Variants in NBEAL2 observed in about 807,000 individuals in gnomAD.
NBEAL2 encodes the protein neurobeachin like 2.
A neutral mutation model predicts 299.8 loss-of-function variants in NBEAL2; 160 were observed. The observed-to-expected ratio is 0.53, with a 90% confidence interval of 0.47 to 0.61. NBEAL2 has a LOEUF of 0.61. Ranked by LOEUF, NBEAL2 falls within the 20% of genes least tolerant of loss-of-function variation. The probability of loss-of-function intolerance (pLI) is 0.00; values close to 1 mark genes in which losing one functional copy is unlikely to be tolerated. For synonymous variants in NBEAL2, 1,493 were observed against 1,542.3 expected (o/e 0.97, Z 0.75); for missense variants, 3,112 against 3,649.0 (o/e 0.85, Z 3.79).
chr3:46,992,580 C>A lies in NBEAL2; in HGVS notation c.1113+25C>A, dbSNP rs1311448647. 3.2e-6 allele frequency: 5 copies of A among 1,567,744 alleles called. No individual in the cohort carries two copies. The Middle Eastern group carries it at 5.0e-4, about 157-fold the overall frequency. On this transcript the variant is annotated intron_variant, in intron 10 of 53. Coordinates refer to ENST00000450053, the MANE Select transcript of NBEAL2 (RefSeq NM_015175.3). The stretch of plus-strand genomic sequence containing the variant: ...GGTACCATCCTGGGGCTGACCAGCT[C>A]AGACACCCCCTGGGACTCCCTCTTT...
In NBEAL2 at chr3:47,001,226, G is replaced by C; in HGVS notation, c.4484+47G>C. On this transcript the variant is annotated intron_variant, in intron 28 of 53. Coordinates refer to ENST00000450053, the MANE Select transcript of NBEAL2 (RefSeq NM_015175.3). The surrounding 1 kb of genome is among the most constrained non-coding windows in gnomAD (Gnocchi z 6.1). Reference sequence around the variant, plus strand: ...GGGAGGGGCTTCAGGAAGCCTCGGGGGAAGGAGAGAAGATAGTCAGGTAGA... The same window carrying C: ...GGGAGGGGCTTCAGGAAGCCTCGGGCGAAGGAGAGAAGATAGTCAGGTAGA... 6.2e-7 allele frequency: 1 copy of C among 1,601,320 alleles called. No individual in the cohort carries two copies. Among genetic ancestry groups the C allele is most frequent in the African/African-American group, 1.3e-5 (1 of 74,640 alleles).
chr3:46,999,826 C>T, intron 26 of NBEAL2, 63 bp from the exon 27 acceptor site: 1 of 1,598,544 alleles, frequency 6.3e-7, no homozygotes, highest in Non-Finnish European at 8.5e-7. Flanking sequence ...CTGCAAAGGC[C>T]CTGGATGAGG....
In NBEAL2 at chr3:46,995,413, G is replaced by A. The variant is rs1447714134; in HGVS notation, c.1678G>A (p.Ala560Thr). Reference protein sequence around the residue: ...AEAGKARHAGAVIRTLSGMAR... With the variant: ...AEAGKARHAGTVIRTLSGMAR... ...GGCTGGAAAGGCCCGACACGCAGGT[G>A]CTGTCATCCGCACATTATCAGGCAT... is the stretch of plus-strand genomic sequence containing the variant. The change falls in exon 13 of 54, where the codon GCT becomes ACT. Residue 560 changes from alanine (A) to threonine (T), a missense_variant. Transcript: ENST00000450053. 1.9e-6 allele frequency: 3 copies of A among 1,612,804 alleles called. No individual in the cohort carries two copies. In the African/African-American group the frequency reaches 4.0e-5, roughly 21 times the overall value.
Position 47,002,631 on chromosome 3 carries a change from TA to T in NBEAL2, c.5302-13del. 6.2e-7 allele frequency: 1 copy of T among 1,608,934 alleles called. No homozygotes were observed. Among genetic ancestry groups the T allele is most frequent in the African/African-American group, 1.3e-5 (1 of 75,022 alleles). On this transcript the variant is annotated splice_polypyrimidine_tract_variant and intron_variant, in intron 32 of 53. Coordinates refer to ENST00000450053, the MANE Select transcript of NBEAL2 (RefSeq NM_015175.3). The stretch of plus-strand genomic sequence containing the variant: ...GGCAGCAGCCAGGGGACTGACCTAT[TA>T]CCCCCACCCCAGGAGCTGGTGCTGG...
In NBEAL2 at chr3:47,003,856, G is replaced by T; in HGVS notation, c.5761G>T (p.Val1921Leu). 1.2e-6 allele frequency: 2 copies of T among 1,612,834 alleles called. No homozygotes were observed. The highest frequency in any genetic ancestry group is 1.7e-4 in the Middle Eastern group (1 of 6,054). ...ACTGGATGAGCAGCGTGAGAAGCTGGTGCTGTCGGCCGAGTGCCAGCTGGT... is the reference window on the plus strand; with the variant it reads ...ACTGGATGAGCAGCGTGAGAAGCTGTTGCTGTCGGCCGAGTGCCAGCTGGT... ...AELDEQREKLVLSAECQLVTV... is the reference protein window; with the variant it reads ...AELDEQREKLLLSAECQLVTV... Residue 1921 changes from valine (V) to leucine (L), a missense_variant, in exon 36 of 54, where the codon GTG (valine) becomes TTG (leucine). Coordinates refer to ENST00000450053, the MANE Select transcript of NBEAL2 (RefSeq NM_015175.3). This position sits in a 1 kb window ranked among gnomAD's most constrained non-coding sequence, Gnocchi z 7.0.
intron 26 of NBEAL2, 26 bp from the exon 27 acceptor site, chr3:46,999,863 C>T (rs746880656): frequency 8.8e-6 from 14 of 1,599,686 alleles, no homozygotes; most frequent in Non-Finnish European, 1.2e-5. Context: ...TGGATGCGTC[C>T]TCACTTGCTG....
Position 47,004,555 on chromosome 3 carries a change from G to A in NBEAL2, c.6259G>A (p.Gly2087Arg). 2 of 1,613,760 alleles carry A rather than the reference G, an allele frequency of 1.2e-6. No individual in the cohort carries two copies. Among genetic ancestry groups the A allele is most frequent in the Non-Finnish European group, 1.7e-6 (2 of 1,179,848 alleles). Residue 2087 changes from glycine (G) to arginine (R), a missense_variant, in exon 38 of 54, where the codon GGG becomes AGG. By Grantham distance (125) the Gly-to-Arg change is moderately radical. Coordinates refer to ENST00000450053, the MANE Select transcript of NBEAL2 (RefSeq NM_015175.3). This position sits in a 1 kb window ranked among gnomAD's most constrained non-coding sequence, Gnocchi z 5.0. The stretch of plus-strand genomic sequence containing the variant: ...CTTGATGCAACTCAACACCATTGCG[G>A]GGCGGACCTACAATGACCTGTCTCA... ...EYLMQLNTIA[G>R]RTYNDLSQYP... is the part of the protein sequence containing the mutation.
In NBEAL2 at chr3:47,001,599, G is replaced by T; in HGVS notation, c.4645-90G>T. On this transcript the variant is annotated intron_variant, in intron 29 of 53. Coordinates refer to ENST00000450053, the MANE Select transcript of NBEAL2 (RefSeq NM_015175.3). This position sits in a 1 kb window ranked among gnomAD's most constrained non-coding sequence, Gnocchi z 6.1. ...TTGCCTGTGTGCACAAACCCTACCTGGCCCCCAGCGCAAACTTTACTTTGC... is the reference window on the plus strand; with the variant it reads ...TTGCCTGTGTGCACAAACCCTACCTTGCCCCCAGCGCAAACTTTACTTTGC... 2 of 1,580,636 alleles carry T rather than the reference G, an allele frequency of 1.3e-6. No individual in the cohort carries two copies. The highest frequency in any genetic ancestry group is 1.7e-6 in the Non-Finnish European group (2 of 1,161,776).
chr3:46,987,527 T>A (rs2035749137), intron 1 of NBEAL2, among the ~76,000 whole-genome samples: 1 of 152,214 alleles, frequency 6.6e-6, no homozygotes, highest in African/African-American at 2.4e-5. Flanking sequence ...CTAGGATTTA[T>A]CAGCTGTGTT....
At position 46,994,012 on chromosome 3, in the gene NBEAL2, T is replaced by C. The variant is rs201119515; in HGVS notation, c.1189T>C (p.Ser397Pro). The C allele has an allele frequency of 5.6e-6, 9 of 1,609,878 alleles. No individual in the cohort carries two copies. Among genetic ancestry groups the C allele is most frequent in the Admixed American group, 3.4e-5 (2 of 59,634 alleles). Residue 397 changes from serine (S) to proline (P), a missense_variant, in exon 11 of 54, where the codon TCG becomes CCG. Around this residue, in one of 3 missense-constraint regions of NBEAL2, gnomAD observed 2,243 missense variants for 2,538.1 expected, o/e 0.88. Transcript: ENST00000450053. The part of the protein sequence containing the change: ...VLTCIMSDSP[S>P]AKEVFKERIG... ...GACCTGCATCATGAGTGACTCCCCC[T>C]CGGCCAAGGTGAGGCTGCTGCACTG...
chr3:46,991,696 T>C lies in NBEAL2; in HGVS notation c.925+8T>C. ...TCCGGGTCAGCATGCTCGGTGGGTA[T>C]GGGCTCCCAGGCTCTTGGGGAAGGG... is the stretch of plus-strand genomic sequence containing the variant. On this transcript the variant is annotated splice_region_variant and intron_variant, in intron 8 of 53. Coordinates refer to ENST00000450053, the MANE Select transcript of NBEAL2 (RefSeq NM_015175.3). The surrounding 1 kb of genome is among the most constrained non-coding windows in gnomAD (Gnocchi z 6.2). The C allele has an allele frequency of 6.3e-7, 1 of 1,592,506 alleles. No homozygotes were observed. The highest frequency in any genetic ancestry group is 8.5e-7 in the Non-Finnish European group (1 of 1,175,038).
In NBEAL2 at chr3:46,991,972, A is replaced by G. The variant is rs1160930065; in HGVS notation, c.1032+26A>G. 2 of 1,560,876 alleles carry G rather than the reference A, an allele frequency of 1.3e-6. No individual in the cohort carries two copies. The highest frequency in any genetic ancestry group is 2.3e-5 in the South Asian group (2 of 85,380). ...GTGGGTAGGGCCCAGCCTGGGGGTG[A>G]GGGTCTGGAAGCCAGAGGCTAGGGG... On this transcript the variant is annotated intron_variant, in intron 9 of 53. Transcript: ENST00000450053. The surrounding 1 kb of genome is among the most constrained non-coding windows in gnomAD (Gnocchi z 6.2).
In NBEAL2 at chr3:47,001,363, G is replaced by A. The variant is rs751210922; in HGVS notation, c.4569G>A (p.Ala1523=). 36 of 1,613,176 alleles carry A rather than the reference G, an allele frequency of 2.2e-5. No individual in the cohort carries two copies. The highest frequency in any genetic ancestry group is 9.3e-5 in the African/African-American group (7 of 74,936). Residue 1523 remains alanine, a synonymous_variant, in exon 29 of 54, where the codon GCG becomes GCA. Transcript: ENST00000450053. This position sits in a 1 kb window ranked among gnomAD's most constrained non-coding sequence, Gnocchi z 6.1. ...VGVLASLTQQ[A]LWLLRLLQDF... ...TCCTGGCCAGCCTCACCCAGCAAGC[G>A]CTTTGGCTGCTGCGTCTGCTGCAGG...
rs554449998 is a variant in NBEAL2 at position 47,005,519 on chromosome 3, G to A, written c.6591G>A (p.Ser2197=). ...ACTGCTCCGACCGGCAGTTCCACTC[G>A]GTGGCGGCAGCCTGGCAGGCACGCC... ...RFDCSDRQFH[S]VAAAWQARLE... Residue 2197 remains serine, a synonymous_variant, in exon 41 of 54, where the codon TCG becomes TCA. Transcript: ENST00000450053. The A allele has an allele frequency of 1.7e-5, 27 of 1,611,182 alleles. No individual in the cohort carries two copies. Among genetic ancestry groups the A allele is most frequent in the African/African-American group, 8.0e-5 (6 of 75,014 alleles).
rs370011168 is a variant in NBEAL2, at chr3:47,001,120, G to C, written c.4425G>C (p.Val1475=). The part of the protein sequence containing the change: ...AWRERGQVFS[V]LTQLGASATL... ...GGGAGCGTGGCCAGGTTTTCTCAGTGCTCACCCAGCTGGGGGCCTCAGCCA... is the reference window on the plus strand; with the variant it reads ...GGGAGCGTGGCCAGGTTTTCTCAGTCCTCACCCAGCTGGGGGCCTCAGCCA... Residue 1475 remains valine (V), a synonymous_variant, in exon 28 of 54, where the codon GTG becomes GTC. Coordinates refer to ENST00000450053, the MANE Select transcript of NBEAL2 (RefSeq NM_015175.3). This position sits in a 1 kb window ranked among gnomAD's most constrained non-coding sequence, Gnocchi z 6.1. 80 of 1,612,326 alleles carry C rather than the reference G, an allele frequency of 5.0e-5. No homozygotes were observed. The African/African-American group carries it at 6.9e-4, about 14-fold the overall frequency.
Position 46,989,586 on chromosome 3 carries a change from C to T in NBEAL2, c.549C>T (p.Phe183=). ...PAALPQEFSA[F]FQESLQNADH... Reference sequence around the variant, plus strand: ...CTTTGCCCCAGGAATTCAGCGCCTTCTTCCAAGGTCAGGCCCCGCCCCTGC... The same window carrying T: ...CTTTGCCCCAGGAATTCAGCGCCTTTTTCCAAGGTCAGGCCCCGCCCCTGC... Residue 183 remains phenylalanine (F), a synonymous_variant, in exon 6 of 54, where the codon TTC becomes TTT. Coordinates refer to ENST00000450053, the MANE Select transcript of NBEAL2 (RefSeq NM_015175.3). The surrounding 1 kb of genome is among the most constrained non-coding windows in gnomAD (Gnocchi z 5.5). The T allele has an allele frequency of 1.3e-6, 2 of 1,589,458 alleles. No individual in the cohort carries two copies. Among genetic ancestry groups the T allele is most frequent in the Non-Finnish European group, 1.7e-6 (2 of 1,167,724 alleles).
In NBEAL2 at chr3:46,996,437, TG is replaced by T. The variant is rs896470673; in HGVS notation, c.2320del (p.Ala774ProfsTer45). The T allele has an allele frequency of 6.2e-7, 1 of 1,608,498 alleles. No homozygotes were observed. Among genetic ancestry groups the T allele is most frequent in the African/African-American group, 1.3e-5 (1 of 74,836 alleles). On this transcript the variant is annotated frameshift_variant, in exon 16 of 54. Coordinates refer to ENST00000450053, the MANE Select transcript of NBEAL2 (RefSeq NM_015175.3). LOFTEE classifies it high-confidence loss of function. ...GGGCTTGGCTGGGGGTCCGGGCTGGTGGCCCCCCTGCAGGAGGGCAGCATCG... is the reference window on the plus strand; with the variant it reads ...GGGCTTGGCTGGGGGTCCGGGCTGGTGCCCCCCTGCAGGAGGGCAGCATCG... ...STGLGWGSGL[V>X]APLQEGSIDS... is the part of the protein sequence containing the mutation.
Position 46,986,597 on chromosome 3 carries a change from TTGAG to T in NBEAL2, c.52-2068_52-2065del, listed in dbSNP as rs1479860562. ...TGCAGCTGGCAGGAAGACTCACATT[TTGAG>T]TGACTAGCTTGACTGAGGGGCAGAA... On this transcript the variant is annotated intron_variant, in intron 1 of 53. Coordinates refer to ENST00000450053, the MANE Select transcript of NBEAL2 (RefSeq NM_015175.3). 4.6e-5 allele frequency among the ~76,000 whole-genome samples: 7 copies of T among 152,020 alleles called. 1 individual carries two copies. The highest frequency in any genetic ancestry group is 3.9e-4 in the Admixed American group (6 of 15,270).
Position 46,996,040 on chromosome 3 carries a change from T to C in NBEAL2, c.2140T>C (p.Ser714Pro). Residue 714 changes from serine (S) to proline (P), a missense_variant, in exon 15 of 54, where the codon TCC (serine) becomes CCC (proline). Transcript: ENST00000450053. Reference protein sequence around the residue: ...LVKTAPLRCPSLSEPFSSCCI... With the variant: ...LVKTAPLRCPPLSEPFSSCCI... Reference sequence around the variant, plus strand: ...CAAGACAGCACCCCTTCGCTGCCCCTCCCTCAGTGAGGTGTGCCAAGCAAG... The same window carrying C: ...CAAGACAGCACCCCTTCGCTGCCCCCCCCTCAGTGAGGTGTGCCAAGCAAG... 6.2e-7 allele frequency: 1 copy of C among 1,606,680 alleles called. No homozygotes were observed. The highest frequency in any genetic ancestry group is 8.5e-7 in the Non-Finnish European group (1 of 1,176,742).
Sources: gnomAD v4.1 joint callset for allele counts (sites outside exome capture counted in the v4.1 genomes callset) on GRCh38, gnomAD v4.1.1 for gene constraint, gnomAD v4.1.1 regional missense constraint, Gnocchi (gnomAD v3.1) non-coding constraint, MANE v1.5 for transcripts, NCBI Gene and HGNC (gene_info 2026-07-23, HGNC 2026-07-21) for gene names.